The following PARPBP variants were observed in gnomAD, a reference collection of about 807,000 sequenced individuals.
The protein encoded by PARPBP is PARP1 binding protein.
In PARPBP, 52 loss-of-function variants were observed where a neutral mutation model predicts 50.0. That is an observed-to-expected ratio of 1.04 (90% CI 0.83 to 1.31). The LOEUF is 1.31. PARPBP is among the 50% of genes most tolerant of loss of function. The probability of loss-of-function intolerance (pLI) is 0.00; values close to 1 mark genes in which losing one functional copy is unlikely to be tolerated. For synonymous variants in PARPBP, 244 were observed against 232.1 expected, an observed-to-expected ratio of 1.05 and a Z score of -0.47; for missense variants, 697 against 672.0, an observed-to-expected ratio of 1.04 and a Z score of -0.41.
chr12:102,155,374 A>G (rs1886735371), intron 4 of PARPBP: 1 of 152,270 alleles, frequency 6.6e-6, no homozygotes, highest in African/African-American at 2.4e-5. Context: ...TCTTGAGACT[A>G]TGCCTCAGGC....
intron 9 of PARPBP, among the ~76,000 whole-genome samples, chr12:102,189,793 A>G (rs1213743480): frequency 4.6e-5 from 7 of 152,208 alleles, no homozygotes; most frequent in Non-Finnish European, 7.3e-5. Context: ...ATTAAGGAAT[A>G]GAGTAATTTT....
intron 2 of PARPBP, among the ~76,000 whole-genome samples, chr12:102,137,379 C>T (rs1426736359): frequency 6.6e-6 from 1 of 152,050 alleles, no homozygotes; most frequent in Non-Finnish European, 1.5e-5. Flanking sequence ...TGTTTTTTCT[C>T]AACTGTTAAA....
intron 7 of PARPBP, among the ~76,000 whole-genome samples, chr12:102,177,344 A>G (rs781408097): frequency 1.3e-5 from 2 of 152,218 alleles, no homozygotes; most frequent in Non-Finnish European, 2.9e-5. Flanking sequence ...TGGGTTAGGC[A>G]TTATCATTGC....
chr12:102,170,723 T>C (rs1473132779), intron 6 of PARPBP, among the ~76,000 whole-genome samples: 2 of 152,180 alleles, frequency 1.3e-5, no homozygotes, highest in Non-Finnish European at 2.9e-5. Context: ...TCTTCAAGAA[T>C]AAATTACACT....
intron 4 of PARPBP, among the ~76,000 whole-genome samples, chr12:102,156,140 C>T (rs1215232518): frequency 1.3e-5 from 2 of 148,706 alleles, no homozygotes; most frequent in Non-Finnish European, 3.0e-5. Flanking sequence ...CCTGATAACA[C>T]CATGATCACT....
chr12:102,139,624 A>G (rs1158106457), intron 2 of PARPBP, among the ~76,000 whole-genome samples: 1 of 152,200 alleles, frequency 6.6e-6, no homozygotes, highest in Non-Finnish European at 1.5e-5. Context: ...TGGCTTTGTC[A>G]TAATTAGCTC....
At chr12:102,182,865 C>T (rs1343757888) in intron 9 of PARPBP, among the ~76,000 whole-genome samples, 1 of 152,096 alleles carries the variant, frequency 6.6e-6, no homozygotes. Flanking sequence ...AATGAATAAG[C>T]AGTTGCTATT....
chr12:102,142,648 A>T (rs7974107), intron 2 of PARPBP, among the ~76,000 whole-genome samples: 4 of 151,904 alleles, frequency 2.6e-5, no homozygotes, highest in Non-Finnish European at 2.9e-5. Context: ...TCTTTGATGA[A>T]GGTGACGTAC....
At chr12:102,179,444 C>A (rs193240721) in intron 8 of PARPBP, among the ~76,000 whole-genome samples, 1 of 152,190 alleles carries the variant, frequency 6.6e-6, no homozygotes, top group Non-Finnish European at 1.5e-5. Flanking sequence ...CAATAGAAAC[C>A]TATTTTCTCT....
At chr12:102,195,234 TAG>T in intron 9 of PARPBP, 76 bp from the exon 10 acceptor site, 1 of 882,908 alleles carries the variant, frequency 1.1e-6, no homozygotes, top group Non-Finnish European at 1.7e-6. Context: ...TTGATTACTA[TAG>T]AGTGTGTGTC....
At position 102,143,199 on chromosome 12, in the gene PARPBP, C is replaced by T. The variant is rs540622265; in HGVS notation, c.154-5031C>T. The stretch of plus-strand genomic sequence containing the variant: ...TGAAGCCTCAGCAATGGCAGACGCC[C>T]CCCACCCCCAGCTGCCTTGCAGTTC... On this transcript the variant is annotated intron_variant, in intron 2 of 10. Coordinates refer to ENST00000327680, the MANE Select transcript of PARPBP (RefSeq NM_017915.5). Among the ~76,000 whole-genome samples, 4 of 152,302 alleles carry T rather than the reference C, an allele frequency of 2.6e-5. No individual in the cohort carries two copies. The South Asian group carries it at 8.3e-4, about 32-fold the overall frequency.
intron 3 of PARPBP, among the ~76,000 whole-genome samples, chr12:102,151,318 A>T (rs973243145): frequency 1.3e-5 from 2 of 152,116 alleles, no homozygotes; most frequent in African/African-American, 2.4e-5. Context: ...GCTCTCTGGG[A>T]TGGGGGGATG....
intron 2 of PARPBP, among the ~76,000 whole-genome samples, chr12:102,143,046 A>T (rs894697732): frequency 1.3e-5 from 2 of 152,158 alleles, no homozygotes; most frequent in Non-Finnish European, 2.9e-5. Context: ...AAGTCTGCAG[A>T]AGTTTCTGCT....
intron 2 of PARPBP, 73 bp from the exon 3 acceptor site, chr12:102,148,157 A>C: frequency 3.5e-6 from 2 of 566,914 alleles, no homozygotes; most frequent in Non-Finnish European, 5.8e-6. Context: ...TGTATTTCTT[A>C]TCTCAGTTAT....
chr12:102,121,092 G>A (rs1880987605), intron 1 of PARPBP, among the ~76,000 whole-genome samples: 2 of 152,114 alleles, frequency 1.3e-5, no homozygotes, highest in Non-Finnish European at 2.9e-5. Flanking sequence ...TCTCACAAGG[G>A]ACTGGAAGGC....
chr12:102,178,692 C>G lies in PARPBP; in HGVS notation c.1106C>G (p.Thr369Ser), dbSNP rs754772526. Residue 369 changes from threonine to serine, a missense_variant, in exon 8 of 11, where the codon ACC (threonine) becomes AGC (serine). Coordinates refer to ENST00000327680, the MANE Select transcript of PARPBP (RefSeq NM_017915.5). ...LLDEEAANAP[T>S]KNKAELLYDE... ...GACGAAGAAGCAGCTAATGCTCCTA[C>G]CAAAAACAAAGCAGAGCTTTTATAT... is the stretch of plus-strand genomic sequence containing the variant. 3.1e-6 allele frequency: 5 copies of G among 1,613,482 alleles called. 1 individual carries two copies. In the South Asian group the frequency reaches 5.5e-5, roughly 18 times the overall value.
intron 2 of PARPBP, among the ~76,000 whole-genome samples, chr12:102,125,682 T>C (rs980321757): frequency 1.3e-5 from 2 of 152,338 alleles, no homozygotes; most frequent in Non-Finnish European, 2.9e-5. Context: ...CATTGTGATA[T>C]ATGTTGGGGT....
chr12:102,134,616 A>G (rs1883352812), intron 2 of PARPBP, among the ~76,000 whole-genome samples: 1 of 152,180 alleles, frequency 6.6e-6, no homozygotes, highest in African/African-American at 2.4e-5. Context: ...CCAGTAGGTA[A>G]GTATTCTCCT....
chr12:102,144,641 G>A (rs1285351665), intron 2 of PARPBP, among the ~76,000 whole-genome samples: 4 of 152,020 alleles, frequency 2.6e-5, no homozygotes, highest in Admixed American at 6.5e-5. Context: ...TAGTCAAAAG[G>A]GTAAGAATAA....
Sources: gnomAD v4.1 joint callset for allele counts (sites outside exome capture counted in the v4.1 genomes callset) on GRCh38, gnomAD v4.1.1 for gene constraint, MANE v1.5 for transcripts, NCBI Gene and HGNC (gene_info 2026-07-23, HGNC 2026-07-21) for gene names.